The following ADH7 variants were observed in gnomAD, a reference collection of about 807,000 sequenced individuals.
ADH7 encodes all-trans-retinol dehydrogenase [NAD(+)] ADH7.
Under a neutral mutation model 34.4 loss-of-function variants are expected in ADH7, and 41 were observed. That is an observed-to-expected ratio of 1.19 (90% confidence interval 0.93 to 1.55). The LOEUF is 1.55. Ranked by LOEUF, ADH7 falls within the 40% of genes most tolerant of loss-of-function variation. The probability of loss-of-function intolerance (pLI) is 0.00; values close to 1 mark genes in which losing one functional copy is unlikely to be tolerated. For synonymous variants in ADH7, 180 were observed against 160.9 expected, an observed-to-expected ratio of 1.12 and a Z score of -0.90; for missense variants, 540 against 461.2, an observed-to-expected ratio of 1.17 and a Z score of -1.56.
At chr4:99,421,883 C>A (rs1721671995) in intron 5 of ADH7, among the ~76,000 whole-genome samples, 1 of 152,106 alleles carries the variant, frequency 6.6e-6, no homozygotes, top group Admixed American at 6.6e-5. Flanking sequence ...ATTTATGTGG[C>A]CAATAAACAT....
chr4:99,420,892 C>T lies in ADH7; in HGVS notation c.565-99G>A, dbSNP rs549614500. On this transcript the variant is annotated intron_variant, in intron 5 of 8. Transcript: ENST00000437033. ...AAAAACACAAATCATGAGTGAACTC[C>T]CATTCACAATTGCTACAAAGAGAAT... 124 of 1,080,796 alleles carry T rather than the reference C, an allele frequency of 1.1e-4. 1 individual carries two copies. In the East Asian group the frequency reaches 3.2e-3, roughly 28 times the overall value. 67.0% of individuals were successfully genotyped at this position (1,080,796 alleles called of 1,614,324 possible). A position where few individuals can be genotyped will look rare whatever the true frequency, so the allele number is the denominator to read the frequency against.
chr4:99,434,971 T>C (rs1212637771), intron 1 of ADH7: 1 of 1,368,160 alleles, frequency 7.3e-7, no homozygotes, highest in Non-Finnish European at 1.0e-6. Context: ...TATAAATCAA[T>C]TTCTCTATTT....
chr4:99,416,094 C>T (rs1424001167), intron 7 of ADH7, among the ~76,000 whole-genome samples: 2 of 151,854 alleles, frequency 1.3e-5, no homozygotes, highest in South Asian at 2.1e-4. Flanking sequence ...TCCAACGTAA[C>T]GAACCTGCAC....
At chr4:99,420,817 C>A in intron 5 of ADH7, 24 bp from the exon 6 acceptor site, 2 of 1,611,658 alleles carry the variant, frequency 1.2e-6, no homozygotes, top group Non-Finnish European at 1.7e-6. Context: ...TGTTCTTGAA[C>A]ATGTTAGGTG....
intron 1 of ADH7, among the ~76,000 whole-genome samples, chr4:99,431,233 C>A (rs1721932528): frequency 6.6e-6 from 1 of 152,156 alleles, no homozygotes; most frequent in Non-Finnish European, 1.5e-5. Context: ...GGAAAGAATG[C>A]TCTACTTAAT....
At chr4:99,413,624 G>C (rs1721456618) in intron 8 of ADH7, among the ~76,000 whole-genome samples, 1 of 152,142 alleles carries the variant, frequency 6.6e-6, no homozygotes, top group South Asian at 2.1e-4. Context: ...CAATAATAAA[G>C]GCTTTCAAAA....
At chr4:99,424,921 G>A (rs1246216423) in intron 5 of ADH7, among the ~76,000 whole-genome samples, 2 of 151,966 alleles carry the variant, frequency 1.3e-5, no homozygotes, top group East Asian at 1.9e-4. Flanking sequence ...TGTTGAATAG[G>A]AGTGGTGAGA....
intron 1 of ADH7, among the ~76,000 whole-genome samples, chr4:99,434,854 C>T (rs749638490): frequency 6.6e-6 from 1 of 152,148 alleles, no homozygotes; most frequent in Non-Finnish European, 1.5e-5. Flanking sequence ...ACTACTGCAG[C>T]GAGTGCAGCA....
At position 99,415,564 on chromosome 4, in the gene ADH7, C is replaced by A. The variant is rs142925520; in HGVS notation, c.1014G>T (p.Lys338Asn). The A allele has an allele frequency of 1.2e-6, 2 of 1,613,464 alleles. No individual in the cohort carries two copies. The highest frequency in any genetic ancestry group is 1.7e-6 in the Non-Finnish European group (2 of 1,179,734). ...TTATCAACTGGTCCAGGTCAAATTT[C>A]TTTGCCAGGAACTCAGTCACTAGTT... Reference protein sequence around the residue: ...VPKLVTEFLAKKFDLDQLITH... With the variant: ...VPKLVTEFLANKFDLDQLITH... The change falls in exon 8 of 9, where the codon AAG becomes AAT. Residue 338 changes from lysine (K) to asparagine (N), a missense_variant. Coordinates refer to ENST00000437033, the MANE Select transcript of ADH7 (RefSeq NM_000673.7).
At chr4:99,426,209 C>T (rs1721800803) in intron 5 of ADH7, among the ~76,000 whole-genome samples, 1 of 152,078 alleles carries the variant, frequency 6.6e-6, no homozygotes, top group Non-Finnish European at 1.5e-5. Flanking sequence ...TAACTAAAAT[C>T]ACAGCAGAAC....
At chr4:99,420,905 C>T (rs918160732) in intron 5 of ADH7, 112 bp from the exon 6 acceptor site, 2 of 947,062 alleles carry the variant, frequency 2.1e-6, no homozygotes, top group Admixed American at 5.3e-5. Context: ...TTCACAATTG[C>T]TACAAAGAGA....
At chr4:99,434,645 T>C (rs1246811800) in intron 1 of ADH7, among the ~76,000 whole-genome samples, 1 of 152,196 alleles carries the variant, frequency 6.6e-6, no homozygotes, top group Non-Finnish European at 1.5e-5. Flanking sequence ...TTTAGAACGA[T>C]AAACATACTT....
intron 5 of ADH7, among the ~76,000 whole-genome samples, chr4:99,425,848 T>A (rs1721791437): frequency 6.6e-6 from 1 of 151,920 alleles, no homozygotes; most frequent in Admixed American, 6.6e-5. Flanking sequence ...ACACAAATTA[T>A]AACAAACTGT....
intron 5 of ADH7, among the ~76,000 whole-genome samples, chr4:99,422,488 C>T (rs957604323): frequency 6.6e-6 from 1 of 152,062 alleles, no homozygotes; most frequent in Non-Finnish European, 1.5e-5. Flanking sequence ...GAACAACACA[C>T]ATCAGGGCCT....
intron 6 of ADH7, 103 bp downstream of exon 6, chr4:99,420,430 T>C (rs1194150002): frequency 2.3e-6 from 3 of 1,283,872 alleles, no homozygotes; most frequent in Non-Finnish European, 3.2e-6. Context: ...ATCGCAGAGA[T>C]ATTTCCATTA....
In ADH7 at chr4:99,435,237, G is replaced by A. The variant is rs1247173392; in HGVS notation, c.-4C>T. 2 of 1,613,430 alleles carry A rather than the reference G, an allele frequency of 1.2e-6. No homozygotes were observed. Among genetic ancestry groups the A allele is most frequent in the Admixed American group, 1.7e-5 (1 of 59,864 alleles). The stretch of plus-strand genomic sequence containing the variant: ...TTACTTTTCCAGCAGTGCCCATCCT[G>A]TCTTTGTCTTGGATCTGTATTTCTG... On this transcript the variant is annotated 5_prime_UTR_variant, in exon 1 of 9. Transcript: ENST00000437033.
At chr4:99,414,925 A>G (rs188277190) in intron 8 of ADH7, among the ~76,000 whole-genome samples, 15 of 152,350 alleles carry the variant, frequency 9.8e-5, no homozygotes, top group Admixed American at 7.8e-4. Flanking sequence ...ATTGATTAAT[A>G]TAGTACAATG....
intron 5 of ADH7, among the ~76,000 whole-genome samples, chr4:99,424,766 A>G (rs1025571089): frequency 1.3e-5 from 2 of 152,156 alleles, no homozygotes; most frequent in African/African-American, 4.8e-5. Flanking sequence ...CAGCTTAAGG[A>G]GATTTTGGGC....
In ADH7 at chr4:99,426,525, C is replaced by T. The variant is rs550047352; in HGVS notation, c.564+1248G>A. Among the ~76,000 whole-genome samples the T allele has an allele frequency of 2.6e-5, 4 of 152,264 alleles. No homozygotes were observed. In the East Asian group the frequency reaches 5.8e-4, roughly 22 times the overall value. ...ACTAAACCAGGAAGAAGTTGAATCT[C>T]TGAATAGACCAATAACAGGATCTGA... On this transcript the variant is annotated intron_variant, in intron 5 of 8. Coordinates refer to ENST00000437033, the MANE Select transcript of ADH7 (RefSeq NM_000673.7).
Sources: gnomAD v4.1 joint callset for allele counts (sites outside exome capture counted in the v4.1 genomes callset) on GRCh38, gnomAD v4.1.1 for gene constraint, MANE v1.5 for transcripts, NCBI Gene and HGNC (gene_info 2026-07-23, HGNC 2026-07-21) for gene names.